EPB41L5: variants seen among roughly 807,000 people sequenced by gnomAD.
EPB41L5 encodes erythrocyte membrane protein band 4.1 like 5.
A neutral mutation model predicts 106.6 loss-of-function variants in EPB41L5; 55 were observed. The observed-to-expected ratio is 0.52, with a 90% CI of 0.42 to 0.65. The LOEUF (loss-of-function observed/expected upper bound fraction) is 0.65, where lower values mean the gene tolerates loss of function less well. EPB41L5 is among the 30% of genes least tolerant of loss of function. EPB41L5 has a pLI of 0.00. For synonymous variants in EPB41L5, 297 were observed against 306.7 expected, an observed-to-expected ratio of 0.97 and a Z score of 0.33; for missense variants, 871 against 882.1, an observed-to-expected ratio of 0.99 and a Z score of 0.16.
intron 20 of EPB41L5, among the ~76,000 whole-genome samples, chr2:120,149,921 G>C (rs1466498073): frequency 7.0e-6 from 1 of 143,764 alleles, no homozygotes; most frequent in Non-Finnish European, 1.5e-5. Context: ...TTGAGACAGG[G>C]TCTTGCTCTG....
intron 10 of EPB41L5, among the ~76,000 whole-genome samples, chr2:120,085,304 C>T (rs774859122): frequency 5.6e-4 from 85 of 152,130 alleles, no homozygotes; most frequent in East Asian, 1.9e-4. Flanking sequence ...GGTTTCGATG[C>T]GGATGTCCTT....
intron 2 of EPB41L5, among the ~76,000 whole-genome samples, chr2:120,022,578 A>G (rs1252710175): frequency 2.0e-5 from 3 of 152,160 alleles, no homozygotes; most frequent in Non-Finnish European, 4.4e-5. Context: ...TATCCAGTCT[A>G]TCATTGATGG....
chr2:120,164,817 A>G lies in EPB41L5; in HGVS notation c.1888-19A>G. The G allele has an allele frequency of 1.3e-6, 2 of 1,579,232 alleles. No homozygotes were observed. The highest frequency in any genetic ancestry group is 1.7e-6 in the Non-Finnish European group (2 of 1,159,648). ...GATAAAGGGGTCATTTAACAATTCT[A>G]GATTCCTGTCTTCCATAGGAAGCTA... On this transcript the variant is annotated intron_variant, in intron 21 of 24. Coordinates refer to ENST00000263713, the MANE Select transcript of EPB41L5 (RefSeq NM_020909.4).
intron 3 of EPB41L5, among the ~76,000 whole-genome samples, chr2:120,066,886 G>A (rs1395799800): frequency 2.0e-5 from 3 of 152,154 alleles, no homozygotes; most frequent in Non-Finnish European, 4.4e-5. Flanking sequence ...TGGAATATTT[G>A]GATATTGGAT....
chr2:120,103,689 G>C (rs1684278647), intron 16 of EPB41L5, among the ~76,000 whole-genome samples: 1 of 152,172 alleles, frequency 6.6e-6, no homozygotes, highest in African/African-American at 2.4e-5. Context: ...TTGAAGTTAA[G>C]TAGATTATGA....
intron 10 of EPB41L5, among the ~76,000 whole-genome samples, chr2:120,084,966 T>A (rs1682954081): frequency 6.6e-6 from 1 of 152,232 alleles, no homozygotes. Context: ...TGCCATGGTT[T>A]TCAGCTCCAT....
intron 3 of EPB41L5, among the ~76,000 whole-genome samples, chr2:120,053,752 A>T (rs560913959): frequency 6.6e-6 from 1 of 152,140 alleles, no homozygotes; most frequent in Non-Finnish European, 1.5e-5. Context: ...GAGTATTTCT[A>T]CTATTTGGCT....
chr2:120,059,386 TAAAC>T (rs1680872477), intron 3 of EPB41L5, among the ~76,000 whole-genome samples: 2 of 151,842 alleles, frequency 1.3e-5, no homozygotes, highest in Non-Finnish European at 2.9e-5. Flanking sequence ...TAGAGACAAA[TAAAC>T]AGGAGAAAAT....
chr2:120,148,628 G>A (rs1358671731), intron 20 of EPB41L5, among the ~76,000 whole-genome samples: 1 of 151,898 alleles, frequency 6.6e-6, no homozygotes, highest in Non-Finnish European at 1.5e-5. Context: ...TTTGTGTCTG[G>A]CTTCTTACAT....
intron 14 of EPB41L5, 63 bp from the exon 15 acceptor site, chr2:120,100,181 T>C: frequency 7.7e-7 from 1 of 1,298,674 alleles, no homozygotes. Context: ...ATGTGTTATC[T>C]TACAAAATGA....
intron 16 of EPB41L5, among the ~76,000 whole-genome samples, chr2:120,109,397 G>C (rs902812520): frequency 1.3e-5 from 2 of 152,036 alleles, no homozygotes; most frequent in African/African-American, 4.8e-5. Context: ...TTCCTACTCT[G>C]TTCTCAGCTG....
At chr2:120,159,221 G>C (rs1397891113) in intron 20 of EPB41L5, among the ~76,000 whole-genome samples, 1 of 150,228 alleles carries the variant, frequency 6.7e-6, no homozygotes. Context: ...TCAGGAGATC[G>C]AGATCATCCT....
rs1192647289 is a variant in EPB41L5 at position 120,164,888 on chromosome 2, T to G, written c.1940T>G (p.Ile647Ser). The G allele has an allele frequency of 6.2e-7, 1 of 1,611,348 alleles. No individual in the cohort carries two copies. The highest frequency in any genetic ancestry group is 1.7e-5 in the Admixed American group (1 of 59,530). Residue 647 changes from isoleucine to serine, a missense_variant, in exon 22 of 25, where the codon ATT (isoleucine) becomes AGT (serine). By Grantham distance (142) the Ile-to-Ser change is moderately radical (BLOSUM62 -2). Coordinates refer to ENST00000263713, the MANE Select transcript of EPB41L5 (RefSeq NM_020909.4). ...ALLASLTENL[I>S]DHTVAPQVSS... ...CTTGCATCTCTAACTGAGAATCTAATTGATCACACAGTTGCACCTCAGGTA... is the reference window on the plus strand; with the variant it reads ...CTTGCATCTCTAACTGAGAATCTAAGTGATCACACAGTTGCACCTCAGGTA...
At chr2:120,169,373 T>A in intron 24 of EPB41L5, among the ~76,000 whole-genome samples, 1 of 152,146 alleles carries the variant, frequency 6.6e-6, no homozygotes, top group East Asian at 1.9e-4. Context: ...ATATGAAACA[T>A]CAGATAATAA....
chr2:120,019,036 A>AT, intron 1 of EPB41L5, 41 bp from the exon 2 acceptor site: 2 of 1,535,156 alleles, frequency 1.3e-6, no homozygotes, highest in South Asian at 1.2e-5. Context: ...GGAGAATCTC[A>AT]TTTTTTTCCT....
At chr2:120,070,461 C>A (rs749452047) in intron 3 of EPB41L5, among the ~76,000 whole-genome samples, 2 of 152,182 alleles carry the variant, frequency 1.3e-5, no homozygotes, top group African/African-American at 4.8e-5. Context: ...AAAAGAGGGA[C>A]GCCTCCCTAA....
At chr2:120,064,057 T>A (rs1681277229) in intron 3 of EPB41L5, among the ~76,000 whole-genome samples, 1 of 152,196 alleles carries the variant, frequency 6.6e-6, no homozygotes, top group Non-Finnish European at 1.5e-5. Context: ...GAATGTCTTA[T>A]AATACAGACT....
At chr2:120,022,816 C>G (rs1574470555) in intron 2 of EPB41L5, among the ~76,000 whole-genome samples, 1 of 152,274 alleles carries the variant, frequency 6.6e-6, no homozygotes, top group African/African-American at 2.4e-5. Flanking sequence ...AAAAGCATTC[C>G]TATTTCTCCA....
chr2:120,117,447 T>G (rs1362262119), intron 16 of EPB41L5, among the ~76,000 whole-genome samples: 1 of 152,194 alleles, frequency 6.6e-6, no homozygotes, highest in Non-Finnish European at 1.5e-5. Context: ...ATTATGGTAT[T>G]TATTTGGTCG....
Sources: allele counts gnomAD v4.1 joint callset (sites outside exome capture counted in the v4.1 genomes callset), GRCh38; gene constraint gnomAD v4.1.1; transcripts MANE v1.5; gene names NCBI Gene and HGNC (gene_info 2026-07-23, HGNC 2026-07-21).